Variants in PINX1 observed in about 807,000 individuals in gnomAD.
The protein encoded by PINX1 is PIN2/TERF1-interacting telomerase inhibitor 1.
PINX1 carries 34 observed loss-of-function variants against 25.4 expected under a neutral mutation model. The observed-to-expected ratio is 1.34, with a 90% CI of 1.02 to 1.78. PINX1 has a LOEUF of 1.78. PINX1 is among the 40% of genes most tolerant of loss of function. The pLI is 0.00. For missense variants in PINX1, 592 were observed against 404.9 expected (o/e 1.46, Z -3.97); for synonymous variants, 197 against 147.7 (o/e 1.33, Z -2.42).
At chr8:10,816,981 G>A (rs1797717797) in intron 6 of PINX1, among the ~76,000 whole-genome samples, 1 of 152,168 alleles carries the variant, frequency 6.6e-6, no homozygotes, top group Non-Finnish European at 1.5e-5. Context: ...CACAGGGTTT[G>A]GCACACAGGT....
intron 6 of PINX1, among the ~76,000 whole-genome samples, chr8:10,771,958 T>C (rs533650992): frequency 5.1e-4 from 78 of 152,340 alleles, no homozygotes; most frequent in African/African-American, 1.9e-3. Flanking sequence ...CAGTGATCCA[T>C]CCATTTCTCC....
At chr8:10,777,984 C>T (rs975499013) in intron 6 of PINX1, among the ~76,000 whole-genome samples, 1 of 152,162 alleles carries the variant, frequency 6.6e-6, no homozygotes, top group African/African-American at 2.4e-5. Context: ...ATCCGCCTCA[C>T]AGTGCAAAGG....
At chr8:10,778,705 T>C (rs1357296738) in intron 6 of PINX1, among the ~76,000 whole-genome samples, 3 of 152,226 alleles carry the variant, frequency 2.0e-5, no homozygotes, top group Non-Finnish European at 2.9e-5. Context: ...GGAACCCTTT[T>C]TGGTAAACAC....
At position 10,765,848 on chromosome 8, in the gene PINX1, C is replaced by T. The variant is rs192832160; in HGVS notation, c.540G>A (p.Glu180=). 65 of 1,613,982 alleles carry T rather than the reference C, an allele frequency of 4.0e-5. No homozygotes were observed. The East Asian group carries it at 1.4e-3, about 35-fold the overall frequency. The change falls in exon 7 of 7, where the codon GAG becomes GAA. Residue 180 remains glutamate (E), a synonymous_variant. Coordinates refer to ENST00000314787, the MANE Select transcript of PINX1 (RefSeq NM_017884.6). ...GTGCTGCCATCCGCTTGGCAAAGTA[C>T]TCCTGGATGGTGAAGGCGCTGGTTG... is the stretch of plus-strand genomic sequence containing the variant. ...TTTTSAFTIQ[E]YFAKRMAALK...
chr8:10,813,413 G>A (rs1797598350), intron 6 of PINX1, among the ~76,000 whole-genome samples: 3 of 152,202 alleles, frequency 2.0e-5, no homozygotes, highest in Admixed American at 6.5e-5. Flanking sequence ...TCTTCCCCAT[G>A]AGGAACTTAA....
chr8:10,826,740 T>C (rs896345618), intron 4 of PINX1, among the ~76,000 whole-genome samples: 3 of 152,016 alleles, frequency 2.0e-5, no homozygotes, highest in African/African-American at 4.8e-5. Flanking sequence ...TAGTCAGAGG[T>C]CCATCTACAA....
At chr8:10,837,428 T>A (rs1015360104) in intron 1 of PINX1, among the ~76,000 whole-genome samples, 8 of 152,344 alleles carry the variant, frequency 5.3e-5, no homozygotes, top group East Asian at 3.9e-4. Flanking sequence ...CTCTACATCC[T>A]TTTGCTGTAA....
chr8:10,778,974 T>C (rs1279279554), intron 6 of PINX1, among the ~76,000 whole-genome samples: 1 of 152,212 alleles, frequency 6.6e-6, no homozygotes, highest in East Asian at 1.9e-4. Flanking sequence ...AGAGCGCCTC[T>C]GGGAGGAGAG....
intron 6 of PINX1, among the ~76,000 whole-genome samples, chr8:10,766,964 C>T (rs1478629275): frequency 1.3e-5 from 2 of 152,052 alleles, no homozygotes; most frequent in African/African-American, 4.8e-5. Context: ...GGAATATGCT[C>T]GGAGTCAAAT....
chr8:10,775,919 G>C (rs963640273), intron 6 of PINX1, among the ~76,000 whole-genome samples: 13 of 150,902 alleles, frequency 8.6e-5, no homozygotes, highest in African/African-American at 3.2e-4. Context: ...AGGAAGCTTT[G>C]GCTGCAGCGG....
At chr8:10,817,793 G>A (rs575184205) in intron 6 of PINX1, among the ~76,000 whole-genome samples, 8 of 152,140 alleles carry the variant, frequency 5.3e-5, no homozygotes, top group Admixed American at 5.2e-4. Flanking sequence ...AGGACTTGAG[G>A]AGCTCTGTCC....
intron 6 of PINX1, among the ~76,000 whole-genome samples, chr8:10,818,013 G>C (rs547097150): frequency 6.6e-6 from 1 of 152,148 alleles, no homozygotes; most frequent in African/African-American, 2.4e-5. Flanking sequence ...AATCGGTCTT[G>C]GGCAGAACCC....
Position 10,834,820 on chromosome 8 carries a change from G to A in PINX1, c.20-45C>T, listed in dbSNP as rs758261209. The stretch of plus-strand genomic sequence containing the variant: ...ATCATCAGCAATGGAGATGATACCC[G>A]GAAAATACCACACAAACATACACAT... On this transcript the variant is annotated intron_variant, in intron 1 of 6. Coordinates refer to ENST00000314787, the MANE Select transcript of PINX1 (RefSeq NM_017884.6). The A allele has an allele frequency of 1.4e-5, 19 of 1,352,266 alleles. 1 individual carries two copies. The highest frequency in any genetic ancestry group is 1.8e-4 in the Middle Eastern group (1 of 5,548). 83.8% of individuals were successfully genotyped at this position (1,352,266 alleles called of 1,614,324 possible). A position where few individuals can be genotyped will look rare whatever the true frequency, so the allele number is the denominator to read the frequency against.
intron 6 of PINX1, among the ~76,000 whole-genome samples, chr8:10,795,332 G>T (rs562408308): frequency 2.0e-5 from 3 of 152,180 alleles, no homozygotes; most frequent in Non-Finnish European, 2.9e-5. Flanking sequence ...CAATGAAGCA[G>T]AAAGGGTCCT....
chr8:10,790,027 C>G (rs888003073), intron 6 of PINX1, among the ~76,000 whole-genome samples: 2 of 152,186 alleles, frequency 1.3e-5, no homozygotes. Flanking sequence ...GGCCAGGATG[C>G]TGTCACAGCC....
intron 4 of PINX1, among the ~76,000 whole-genome samples, chr8:10,829,285 CAAAAA>C (rs57684473): frequency 4.5e-3 from 405 of 90,520 alleles, no homozygotes; most frequent in South Asian, 0.023. Context: ...GACTCCATCT[CAAAAA>C]AAAAAAAAAA....
chr8:10,775,892 A>C (rs1227643531), intron 6 of PINX1, among the ~76,000 whole-genome samples: 1 of 152,174 alleles, frequency 6.6e-6, no homozygotes, highest in Non-Finnish European at 1.5e-5. Flanking sequence ...ACAGAAGGCC[A>C]ATCTGTACAA....
chr8:10,820,505 T>C (rs1032611603), intron 5 of PINX1, among the ~76,000 whole-genome samples: 2 of 152,242 alleles, frequency 1.3e-5, no homozygotes, highest in Admixed American at 6.5e-5. Context: ...ATTCTCTTAA[T>C]TGTAGAAACA....
chr8:10,818,377 T>C (rs1563229420), intron 6 of PINX1, among the ~76,000 whole-genome samples: 1 of 152,098 alleles, frequency 6.6e-6, no homozygotes. Flanking sequence ...CCACACAGTG[T>C]TGAAAACCTC....
Sources: gnomAD v4.1 joint callset for allele counts (sites outside exome capture counted in the v4.1 genomes callset) on GRCh38, gnomAD v4.1.1 for gene constraint, MANE v1.5 for transcripts, NCBI Gene and HGNC (gene_info 2026-07-23, HGNC 2026-07-21) for gene names.